IGSF3: variants seen among roughly 807,000 people sequenced by gnomAD.
IGSF3 encodes the protein glu-Trp-Ile EWI motif-containing protein 3.
Under a neutral mutation model 114.4 loss-of-function variants are expected in IGSF3, and 23 were observed. The observed-to-expected ratio is 0.20, with a 90% CI of 0.14 to 0.28. The LOEUF is 0.28. Among genes scored for constraint, IGSF3 ranks in the 10% least tolerant of loss-of-function variants. IGSF3 has a pLI of 1.00. For missense variants in IGSF3, 1,172 were observed against 1,591.5 expected, an observed-to-expected ratio of 0.74 and a Z score of 4.48; for synonymous variants, 571 against 645.2, an observed-to-expected ratio of 0.88 and a Z score of 1.74.
rs1281188716 is a variant in IGSF3, at chr1:116,624,487, C to A, written c.44-8030G>T. On this transcript the variant is annotated intron_variant, in intron 2 of 10. Coordinates refer to ENST00000369486, the MANE Select transcript of IGSF3 (RefSeq NM_001007237.3). This position sits in a 1 kb window ranked among gnomAD's most constrained non-coding sequence, Gnocchi z 4.9. ...TAATTCCTGGCACACAATAAGTGCT[C>A]AATAAATGTTTAGCCACTAGTTGCA... Among the ~76,000 whole-genome samples, 3 of 152,168 alleles carry A rather than the reference C, an allele frequency of 2.0e-5. No individual in the cohort carries two copies. In the East Asian group the frequency reaches 5.8e-4, roughly 29 times the overall value.
Position 116,603,577 on chromosome 1 carries a change from A to C in IGSF3, c.1624+47T>G. On this transcript the variant is annotated intron_variant, in intron 6 of 10. Coordinates refer to ENST00000369486, the MANE Select transcript of IGSF3 (RefSeq NM_001007237.3). This position sits in a 1 kb window ranked among gnomAD's most constrained non-coding sequence, Gnocchi z 7.1. The stretch of plus-strand genomic sequence containing the variant: ...AGTCAGGATAAGGTGTTTGACACTG[A>C]AGCTGTCTCCATGCCAGACCCACTG... The C allele has an allele frequency of 6.4e-7, 1 of 1,571,902 alleles. No homozygotes were observed. The highest frequency in any genetic ancestry group is 8.7e-7 in the Non-Finnish European group (1 of 1,151,754).
In IGSF3 at chr1:116,657,858, C is replaced by G. The variant is rs577536353; in HGVS notation, c.43+8426G>C. On this transcript the variant is annotated intron_variant, in intron 2 of 10. Coordinates refer to ENST00000369486, the MANE Select transcript of IGSF3 (RefSeq NM_001007237.3). This position sits in a 1 kb window ranked among gnomAD's most constrained non-coding sequence, Gnocchi z 4.2. ...AAAAATAGCACCAACTTAAGGCAAG[C>G]CTGGGCAAACTGCACTACATCAAAG... Among the ~76,000 whole-genome samples, 1,048 of 152,170 alleles carry G rather than the reference C, an allele frequency of 6.9e-3. 12 individuals are homozygous for G. The highest frequency in any genetic ancestry group is 0.024 in the African/African-American group (984 of 41,502).
Position 116,598,427 on chromosome 1 carries a change from T to C in IGSF3, c.2029+1514A>G, listed in dbSNP as rs964483476. On this transcript the variant is annotated intron_variant, in intron 7 of 10. Coordinates refer to ENST00000369486, the MANE Select transcript of IGSF3 (RefSeq NM_001007237.3). The surrounding 1 kb of genome is among the most constrained non-coding windows in gnomAD (Gnocchi z 4.3). ...AAAACAGCCTCTTCCCTGAGCCTCTTGTCAGTCGAAGTTTAGGCTGTCATT... is the reference window on the plus strand; with the variant it reads ...AAAACAGCCTCTTCCCTGAGCCTCTCGTCAGTCGAAGTTTAGGCTGTCATT... 4.6e-5 allele frequency among the ~76,000 whole-genome samples: 7 copies of C among 152,226 alleles called. No individual in the cohort carries two copies. The highest frequency in any genetic ancestry group is 8.8e-5 in the Non-Finnish European group (6 of 68,046).
rs1357042098 is a variant in IGSF3, at chr1:116,612,806, G to A, written c.832+959C>T. Among the ~76,000 whole-genome samples the A allele has an allele frequency of 6.6e-6, 1 of 152,240 alleles. No individual in the cohort carries two copies. Among genetic ancestry groups the A allele is most frequent in the African/African-American group, 2.4e-5 (1 of 41,466 alleles). ...CAACAACCATGCTCCAACCAAAGCT[G>A]GGGGATCTGAAGGCCCATGTGAGAA... On this transcript the variant is annotated intron_variant, in intron 4 of 10. Coordinates refer to ENST00000369486, the MANE Select transcript of IGSF3 (RefSeq NM_001007237.3). This position sits in a 1 kb window ranked among gnomAD's most constrained non-coding sequence, Gnocchi z 4.1.
Position 116,583,831 on chromosome 1 carries a change from T to A in IGSF3, c.2848+814A>T, listed in dbSNP as rs1425214360. On this transcript the variant is annotated intron_variant, in intron 9 of 10. Transcript: ENST00000369486. This position sits in a 1 kb window ranked among gnomAD's most constrained non-coding sequence, Gnocchi z 4.5. ...CCTAGTAATTACATGCATTTAGATATTTAGAAACAGCAATAAAGACAAGAA... is the reference window on the plus strand; with the variant it reads ...CCTAGTAATTACATGCATTTAGATAATTAGAAACAGCAATAAAGACAAGAA... 1.3e-5 allele frequency among the ~76,000 whole-genome samples: 2 copies of A among 152,170 alleles called. No individual in the cohort carries two copies. Among genetic ancestry groups the A allele is most frequent in the African/African-American group, 4.8e-5 (2 of 41,436 alleles).
At chr1:116,590,687 G>A (rs1170754376) in intron 7 of IGSF3, among the ~76,000 whole-genome samples, 1 of 152,050 alleles carries the variant, frequency 6.6e-6, no homozygotes, top group Non-Finnish European at 1.5e-5. Flanking sequence ...CCAGACCCAG[G>A]ACCCAGCCCA....
chr1:116,645,907 G>A (rs1286745239), intron 2 of IGSF3, among the ~76,000 whole-genome samples: 1 of 152,220 alleles, frequency 6.6e-6, no homozygotes, highest in Non-Finnish European at 1.5e-5. Context: ...GCAGCCTGGT[G>A]GGGCCCTGGA....
chr1:116,606,429 A>G, intron 5 of IGSF3: 1 of 1,610,914 alleles, frequency 6.2e-7, no homozygotes, highest in Non-Finnish European at 8.5e-7. Context: ...GAAAAGCGCC[A>G]TTAAAATCCA....
chr1:116,604,246 G>A (rs1660709963), intron 5 of IGSF3, among the ~76,000 whole-genome samples: 7 of 152,202 alleles, frequency 4.6e-5, no homozygotes, highest in Admixed American at 2.0e-4. Context: ...TCTTTGCCAT[G>A]TGCAGAGAAC....
rs530928471 is a variant in IGSF3, at chr1:116,595,308, T to C, written c.2029+4633A>G. Among the ~76,000 whole-genome samples the C allele has an allele frequency of 1.2e-3, 177 of 152,252 alleles. No homozygotes were observed. The highest frequency in any genetic ancestry group is 1.9e-3 in the Non-Finnish European group (128 of 68,010). On this transcript the variant is annotated intron_variant, in intron 7 of 10. Transcript: ENST00000369486. This position sits in a 1 kb window ranked among gnomAD's most constrained non-coding sequence, Gnocchi z 4.2. ...AGCTCTCCTCTTAGGGCTCTTGCAC[T>C]GACACCCATTCTATCTTGGCACAGA...
chr1:116,626,471 A>G (rs1215016010), intron 2 of IGSF3, among the ~76,000 whole-genome samples: 1 of 152,126 alleles, frequency 6.6e-6, no homozygotes, highest in African/African-American at 2.4e-5. Flanking sequence ...ATTTATTCCA[A>G]TATTAATGAA....
Position 116,634,179 on chromosome 1 carries a change from A to G in IGSF3, c.44-17722T>C, listed in dbSNP as rs1262227188. On this transcript the variant is annotated intron_variant, in intron 2 of 10. Coordinates refer to ENST00000369486, the MANE Select transcript of IGSF3 (RefSeq NM_001007237.3). This position sits in a 1 kb window ranked among gnomAD's most constrained non-coding sequence, Gnocchi z 4.2. ...TTTTTAATTGAACACATGTGAATGTATTACCTATTCGAAAAACAAATGAGT... is the reference window on the plus strand; with the variant it reads ...TTTTTAATTGAACACATGTGAATGTGTTACCTATTCGAAAAACAAATGAGT... Among the ~76,000 whole-genome samples, 1 of 152,234 alleles carries G rather than the reference A, an allele frequency of 6.6e-6. No homozygotes were observed. Among genetic ancestry groups the G allele is most frequent in the Non-Finnish European group, 1.5e-5 (1 of 68,040 alleles).
Position 116,600,907 on chromosome 1 carries a change from A to G in IGSF3, c.1625-562T>C, listed in dbSNP as rs140432234. Among the ~76,000 whole-genome samples the G allele has an allele frequency of 2.0e-3, 306 of 151,944 alleles. 2 individuals carry two copies. Among genetic ancestry groups the G allele is most frequent in the African/African-American group, 7.0e-3 (289 of 41,258 alleles). Reference sequence around the variant, plus strand: ...GGACCTCCAGTGGGGTGGGACAATTATCCTAAATGCAGGGTTCTGCAGGCT... The same window carrying G: ...GGACCTCCAGTGGGGTGGGACAATTGTCCTAAATGCAGGGTTCTGCAGGCT... On this transcript the variant is annotated intron_variant, in intron 6 of 10. Transcript: ENST00000369486. This position sits in a 1 kb window ranked among gnomAD's most constrained non-coding sequence, Gnocchi z 5.5.
rs999355200 is a variant in IGSF3 at position 116,644,682 on chromosome 1, C to T, written c.43+21602G>A. On this transcript the variant is annotated intron_variant, in intron 2 of 10. Transcript: ENST00000369486. This position sits in a 1 kb window ranked among gnomAD's most constrained non-coding sequence, Gnocchi z 5.6. Reference sequence around the variant, plus strand: ...GGGCAGCAAAGGAGGGTGTGTGTGGCGATCAGCCATCAGAGGAGGCGGCCC... The same window carrying T: ...GGGCAGCAAAGGAGGGTGTGTGTGGTGATCAGCCATCAGAGGAGGCGGCCC... Among the ~76,000 whole-genome samples the T allele has an allele frequency of 2.3e-4, 35 of 152,256 alleles. No homozygotes were observed. Among genetic ancestry groups the T allele is most frequent in the Admixed American group, 1.1e-3 (17 of 15,298 alleles).
rs973556289 is a variant in IGSF3, at chr1:116,593,765, G to A, written c.2030-4661C>T. On this transcript the variant is annotated intron_variant, in intron 7 of 10. Transcript: ENST00000369486. The surrounding 1 kb of genome is among the most constrained non-coding windows in gnomAD (Gnocchi z 4.5). Reference sequence around the variant, plus strand: ...GCAAATGGGGCATGCTACTGCCCACGGCTGCCCACCCCACAGCCCGTGACA... The same window carrying A: ...GCAAATGGGGCATGCTACTGCCCACAGCTGCCCACCCCACAGCCCGTGACA... Among the ~76,000 whole-genome samples the A allele has an allele frequency of 4.6e-5, 7 of 152,176 alleles. No individual in the cohort carries two copies. The highest frequency in any genetic ancestry group is 8.8e-5 in the Non-Finnish European group (6 of 68,026).
In IGSF3 at chr1:116,644,832, T is replaced by C. The variant is rs1045983866; in HGVS notation, c.43+21452A>G. 6.6e-6 allele frequency among the ~76,000 whole-genome samples: 1 copy of C among 152,086 alleles called. No homozygotes were observed. The highest frequency in any genetic ancestry group is 2.4e-5 in the African/African-American group (1 of 41,392). On this transcript the variant is annotated intron_variant, in intron 2 of 10. Coordinates refer to ENST00000369486, the MANE Select transcript of IGSF3 (RefSeq NM_001007237.3). The surrounding 1 kb of genome is among the most constrained non-coding windows in gnomAD (Gnocchi z 5.6). The stretch of plus-strand genomic sequence containing the variant: ...GCATGTGAATGTGATAGTCAGCAAT[T>C]CCCACCTCAGCAGCCAGTGACACTA...
Position 116,598,129 on chromosome 1 carries a change from T to TA in IGSF3, c.2029+1811dup, listed in dbSNP as rs1474915065. Among the ~76,000 whole-genome samples the TA allele has an allele frequency of 6.6e-6, 1 of 152,048 alleles. No homozygotes were observed. Among genetic ancestry groups the TA allele is most frequent in the Non-Finnish European group, 1.5e-5 (1 of 68,008 alleles). On this transcript the variant is annotated intron_variant, in intron 7 of 10. Transcript: ENST00000369486. This position sits in a 1 kb window ranked among gnomAD's most constrained non-coding sequence, Gnocchi z 4.3. The stretch of plus-strand genomic sequence containing the variant: ...CCAAGTAGTACCAGAAACAGGCAAA[T>TA]ACTAGGGATGTATTCAAAAAGGCAA...
intron 6 of IGSF3, among the ~76,000 whole-genome samples, chr1:116,601,957 C>T (rs1026864158): frequency 7.2e-5 from 11 of 152,326 alleles, no homozygotes; most frequent in African/African-American, 2.4e-4. Flanking sequence ...GGTCACAGAG[C>T]ACCCAAGCTG....
At position 116,579,656 on chromosome 1, in the gene IGSF3, C is replaced by T. The variant is rs565068608; in HGVS notation, c.3070G>A (p.Asp1024Asn). The change falls in exon 10 of 11, where the codon GAC becomes AAC. Residue 1024 changes from aspartate (D) to asparagine (N), a missense_variant. Around this residue, in one of 3 missense-constraint regions of IGSF3, gnomAD observed 423 missense variants for 509.8 expected, o/e 0.83. Transcript: ENST00000369486. The surrounding 1 kb of genome is among the most constrained non-coding windows in gnomAD (Gnocchi z 6.4). ...GCCGTCCGCTCTGTTGGGTCGTCGT[C>T]GTCGTCGTCGTCCTCCTCCTCCTCC... ...EEEEEEDDDD[D>N]DDPTERTALL... The T allele has an allele frequency of 2.0e-5, 31 of 1,581,588 alleles. No homozygotes were observed. The highest frequency in any genetic ancestry group is 1.6e-4 in the Admixed American group (9 of 57,808).
Sources: allele counts gnomAD v4.1 joint callset (sites outside exome capture counted in the v4.1 genomes callset), GRCh38; gene constraint gnomAD v4.1.1; regional missense constraint gnomAD v4.1.1; non-coding constraint Gnocchi (gnomAD v3.1); transcripts MANE v1.5; gene names NCBI Gene and HGNC (gene_info 2026-07-23, HGNC 2026-07-21).